Variants in ROBO1 observed in about 807,000 individuals in gnomAD.
ROBO1 encodes the protein roundabout guidance receptor 1, also known as roundabout homolog 1.
ROBO1 carries 149 observed loss-of-function variants against 195.9 expected under a neutral mutation model. That is an observed-to-expected ratio of 0.76 (90% CI 0.67 to 0.87). The LOEUF (loss-of-function observed/expected upper bound fraction) is 0.87, where lower values mean the gene tolerates loss of function less well. Ranked by LOEUF, ROBO1 falls within the 40% of genes least tolerant of loss-of-function variation. ROBO1 has a pLI of 0.00. For missense variants in ROBO1, 1,933 were observed against 2,068.3 expected (o/e 0.93, Z 1.27); for synonymous variants, 816 against 733.2 (o/e 1.11, Z -1.82).
intron 2 of ROBO1, among the ~76,000 whole-genome samples, chr3:79,332,154 A>G (rs1362656258): frequency 2.0e-5 from 3 of 151,548 alleles, no homozygotes; most frequent in Middle Eastern, 3.4e-3. Flanking sequence ...AAAAAAGAAA[A>G]AAAAAAAAAA....
chr3:79,283,394 A>T (rs938849677), intron 2 of ROBO1, among the ~76,000 whole-genome samples: 3 of 152,206 alleles, frequency 2.0e-5, no homozygotes, highest in African/African-American at 4.8e-5. Flanking sequence ...TTATTACAGA[A>T]ATTCTATTTC....
At chr3:79,589,613 T>A (rs1943933054) in intron 2 of ROBO1, among the ~76,000 whole-genome samples, 1 of 151,796 alleles carries the variant, frequency 6.6e-6, no homozygotes, top group Admixed American at 6.6e-5. Context: ...GTTCTGATTC[T>A]CTTGGGAATT....
intron 1 of ROBO1, among the ~76,000 whole-genome samples, chr3:79,732,936 C>A (rs1319476746): frequency 6.6e-6 from 1 of 152,210 alleles, no homozygotes; most frequent in African/African-American, 2.4e-5. Context: ...ATATCTCAAT[C>A]ATGAGTTTTA....
chr3:78,723,983 T>C (rs2082103616), intron 5 of ROBO1, among the ~76,000 whole-genome samples: 1 of 152,156 alleles, frequency 6.6e-6, no homozygotes, highest in South Asian at 2.1e-4. Flanking sequence ...TTCTGTTATA[T>C]ACTCACTGAC....
At chr3:78,941,176 T>G (rs968837492) in intron 3 of ROBO1, among the ~76,000 whole-genome samples, 3 of 152,190 alleles carry the variant, frequency 2.0e-5, no homozygotes, top group Admixed American at 6.5e-5. Context: ...TGCCAATAGT[T>G]GTATAATCTG....
chr3:79,019,342 G>C, intron 3 of ROBO1: 2 of 985,836 alleles, frequency 2.0e-6, no homozygotes, highest in Non-Finnish European at 2.4e-6. Context: ...TGGCAGAGAA[G>C]GGCAGAGAGG....
intron 2 of ROBO1, among the ~76,000 whole-genome samples, chr3:79,217,223 T>A (rs1200766015): frequency 6.6e-6 from 1 of 152,110 alleles, no homozygotes; most frequent in African/African-American, 2.4e-5. Flanking sequence ...AATGAAAATA[T>A]GAACAGCTGC....
At chr3:79,706,921 G>C (rs1223355170) in intron 1 of ROBO1, among the ~76,000 whole-genome samples, 1 of 151,786 alleles carries the variant, frequency 6.6e-6, no homozygotes, top group Non-Finnish European at 1.5e-5. Flanking sequence ...ATTTTGGTGA[G>C]GATTTTTACA....
At chr3:79,741,219 TC>T (rs1384621844) in intron 1 of ROBO1, among the ~76,000 whole-genome samples, 1 of 152,180 alleles carries the variant, frequency 6.6e-6, no homozygotes, top group African/African-American at 2.4e-5. Context: ...CCTAGTCAAT[TC>T]CCTCAGCCAA....
chr3:79,728,234 A>G (rs1043872278), intron 1 of ROBO1, among the ~76,000 whole-genome samples: 3 of 152,066 alleles, frequency 2.0e-5, no homozygotes, highest in African/African-American at 4.8e-5. Context: ...TGAAGTTGAT[A>G]TAAATGAGCA....
chr3:79,671,796 T>C (rs1299016668), intron 1 of ROBO1, among the ~76,000 whole-genome samples: 1 of 151,844 alleles, frequency 6.6e-6, no homozygotes, highest in African/African-American at 2.4e-5. Flanking sequence ...ATATACACAG[T>C]AAACAATAAC....
intron 2 of ROBO1, among the ~76,000 whole-genome samples, chr3:79,385,073 G>C (rs1372682486): frequency 1.3e-5 from 2 of 152,056 alleles, no homozygotes; most frequent in South Asian, 2.1e-4. Context: ...GAATTTAAGT[G>C]TACCATGAAA....
intron 1 of ROBO1, among the ~76,000 whole-genome samples, chr3:79,724,350 AC>A (rs1702822384): frequency 6.6e-6 from 1 of 152,210 alleles, no homozygotes. Flanking sequence ...CTAAGCTATT[AC>A]GTTTCTCAAT....
chr3:79,665,456 T>C (rs957073981), intron 1 of ROBO1, among the ~76,000 whole-genome samples: 1 of 151,908 alleles, frequency 6.6e-6, no homozygotes, highest in Non-Finnish European at 1.5e-5. Context: ...CATTTAGATA[T>C]ATTAGAAAAA....
chr3:79,699,085 A>ATG (rs1947533568), intron 1 of ROBO1, among the ~76,000 whole-genome samples: 1 of 145,006 alleles, frequency 6.9e-6, no homozygotes, highest in Non-Finnish European at 1.5e-5. Context: ...TTATTAATTT[A>ATG]TATATATATA....
At chr3:78,673,792 A>G (rs923631760) in intron 10 of ROBO1, among the ~76,000 whole-genome samples, 1 of 151,274 alleles carries the variant, frequency 6.6e-6, no homozygotes, top group African/African-American at 2.4e-5. Context: ...TTTTAAGAGA[A>G]AAAGAACAGA....
intron 2 of ROBO1, among the ~76,000 whole-genome samples, chr3:79,475,813 A>C (rs1036099487): frequency 1.3e-5 from 2 of 152,098 alleles, no homozygotes; most frequent in African/African-American, 2.4e-5. Context: ...AAGTACAACA[A>C]AACAGTAAGG....
intron 10 of ROBO1, among the ~76,000 whole-genome samples, chr3:78,679,409 T>C (rs1465430357): frequency 2.6e-5 from 4 of 152,200 alleles, no homozygotes; most frequent in Non-Finnish European, 4.4e-5. Flanking sequence ...GATGACATGA[T>C]TGTATATCTA....
chr3:78,662,234 C>G (rs1707463227), intron 14 of ROBO1, 120 bp from the exon 15 acceptor site: 2 of 749,334 alleles, frequency 2.7e-6, no homozygotes, highest in Non-Finnish European at 3.8e-6. Flanking sequence ...CCAAGCCAGG[C>G]TGTGATTCGG....
Sources: gnomAD v4.1 joint callset for allele counts (sites outside exome capture counted in the v4.1 genomes callset) on GRCh38, gnomAD v4.1.1 for gene constraint, MANE v1.5 for transcripts, NCBI Gene and HGNC (gene_info 2026-07-23, HGNC 2026-07-21) for gene names.